Variants in LIPA observed in about 807,000 individuals in gnomAD.
The protein encoded by LIPA is lysosomal acid lipase/cholesteryl ester hydrolase.
LIPA carries 26 observed loss-of-function variants against 40.6 expected under a neutral mutation model. That is an observed-to-expected ratio of 0.64 (90% confidence interval 0.47 to 0.89). LIPA has a LOEUF of 0.89. Ranked by LOEUF, LIPA falls within the 40% of genes least tolerant of loss-of-function variation. The probability of loss-of-function intolerance (pLI) is 0.00; values close to 1 mark genes in which losing one functional copy is unlikely to be tolerated. For missense variants in LIPA, 455 were observed against 479.6 expected, an observed-to-expected ratio of 0.95 and a Z score of 0.48; for synonymous variants, 188 against 168.4, an observed-to-expected ratio of 1.12 and a Z score of -0.90.
chr10:89,402,160 A>T, intron 2 of LIPA: 1 of 666,730 alleles, frequency 1.5e-6, no homozygotes, highest in Non-Finnish European at 2.5e-6. Context: ...CATTAACTTT[A>T]ATGAAACCTA....
exon 1 of LIPA, chr10:89,414,556 T>A (rs1425087126): frequency 2.2e-6 from 1 of 451,842 alleles, no homozygotes; most frequent in African/African-American, 2.1e-5. Flanking sequence ...TAGTTTCGAT[T>A]TCTTAAGTTT....
intron 2 of LIPA, chr10:89,403,377 T>C (rs1844472725): frequency 1.6e-5 from 26 of 1,613,548 alleles, no homozygotes; most frequent in Non-Finnish European, 2.1e-5. Context: ...AAAATTGTTA[T>C]GCATGAAACC....
At chr10:89,338,650 T>G (rs1304441393) in intron 1 of LIPA, 1 of 1,603,310 alleles carries the variant, frequency 6.2e-7, no homozygotes, top group Non-Finnish European at 8.5e-7. Context: ...CCATGTTTAT[T>G]TTCTCCACAG....
intron 1 of LIPA, among the ~76,000 whole-genome samples, chr10:89,277,468 A>G (rs955558536): frequency 1.3e-5 from 2 of 152,260 alleles, no homozygotes; most frequent in Admixed American, 6.5e-5. Context: ...TTTTACTTGC[A>G]TTATACGCAG....
intron 3 of LIPA, among the ~76,000 whole-genome samples, chr10:89,229,132 A>T (rs1276143291): frequency 4.6e-5 from 7 of 152,238 alleles, no homozygotes. Flanking sequence ...TGAATGCATA[A>T]CTAAACTGTG....
At chr10:89,394,596 A>ATTT (rs1277183612) in intron 2 of LIPA, among the ~76,000 whole-genome samples, 3 of 15,496 alleles carry the variant, frequency 1.9e-4, no homozygotes, top group African/African-American at 1.2e-3. Flanking sequence ...ATATATATAT[A>ATTT]TATATATATA....
intron 2 of LIPA, among the ~76,000 whole-genome samples, chr10:89,366,832 C>T (rs1169075370): frequency 2.6e-5 from 4 of 152,152 alleles, no homozygotes; most frequent in African/African-American, 4.8e-5. Context: ...TGGGTATATA[C>T]CCAAAGGATT....
At chr10:89,263,690 C>G (rs1843221474) in intron 1 of LIPA, among the ~76,000 whole-genome samples, 1 of 152,258 alleles carries the variant, frequency 6.6e-6, no homozygotes. Flanking sequence ...GCTGTTGGCA[C>G]CTTTGCCTGA....
At chr10:89,339,285 G>T (rs1420321078) in intron 1 of LIPA, 3 of 1,614,038 alleles carry the variant, frequency 1.9e-6, no homozygotes, top group East Asian at 2.2e-5. Flanking sequence ...AATACGTCAA[G>T]GTTCTCTTGG....
chr10:89,243,140 C>T (rs1163321529), intron 3 of LIPA, among the ~76,000 whole-genome samples: 3 of 152,164 alleles, frequency 2.0e-5, no homozygotes, highest in Non-Finnish European at 4.4e-5. Flanking sequence ...AGGCCTTCTC[C>T]ATTCTTTTTA....
rs1161143084 is a variant in LIPA at position 89,362,677 on chromosome 10, T to C, written c.61+50114A>G. On this transcript the variant is annotated intron_variant, in intron 2 of 8. Transcript: ENST00000371837. ...ACTTACCTGGATAAGGTAGAGAACA[T>C]TTGCAAGAAGTTTGCAAATGCTTCC... 8 of 637,024 alleles carry C rather than the reference T, an allele frequency of 1.3e-5. No individual in the cohort carries two copies. The Admixed American group carries it at 2.2e-4, about 17-fold the overall frequency. The allele number at this position is 637,024 out of a possible 1,614,324, so 39.5% of individuals were successfully genotyped here. A position where few individuals can be genotyped will look rare whatever the true frequency, so the allele number is the denominator to read the frequency against.
chr10:89,240,975 C>T (rs1842958634), intron 3 of LIPA, among the ~76,000 whole-genome samples: 1 of 152,158 alleles, frequency 6.6e-6, no homozygotes, highest in Admixed American at 6.5e-5. Flanking sequence ...AGAGGTCACA[C>T]ACATCATCAC....
chr10:89,265,140 C>T (rs1167747441), intron 1 of LIPA, among the ~76,000 whole-genome samples: 1 of 148,828 alleles, frequency 6.7e-6, no homozygotes, highest in Non-Finnish European at 1.5e-5. Flanking sequence ...GTGCCAGGAG[C>T]AGGGAGAGGC....
At chr10:89,337,740 T>C (rs1843767340) in intron 1 of LIPA, among the ~76,000 whole-genome samples, 1 of 152,210 alleles carries the variant, frequency 6.6e-6, no homozygotes, top group Non-Finnish European at 1.5e-5. Context: ...TCATTTCCTG[T>C]CACTGAAGCT....
intron 1 of LIPA, among the ~76,000 whole-genome samples, chr10:89,315,869 T>C (rs1394109511): frequency 6.6e-6 from 1 of 152,182 alleles, no homozygotes; most frequent in African/African-American, 2.4e-5. Context: ...AATCTAGGTC[T>C]CTAGGTCTAA....
chr10:89,402,776 G>A (rs1564810663), intron 2 of LIPA: 1 of 1,614,214 alleles, frequency 6.2e-7, no homozygotes, highest in Admixed American at 1.7e-5. Flanking sequence ...TTGAAAAGGT[G>A]CTTGAAGTGG....
At chr10:89,319,072 A>G (rs1262183619) in intron 1 of LIPA, among the ~76,000 whole-genome samples, 1 of 152,252 alleles carries the variant, frequency 6.6e-6, no homozygotes, top group Non-Finnish European at 1.5e-5. Context: ...CAGTGTATAG[A>G]GGGAAATTTA....
At chr10:89,233,012 T>C (rs1842860886) in intron 3 of LIPA, among the ~76,000 whole-genome samples, 1 of 152,186 alleles carries the variant, frequency 6.6e-6, no homozygotes. Flanking sequence ...CATCGGTAAA[T>C]ACCCTTGTTC....
chr10:89,312,538 C>T (rs1843521971), intron 1 of LIPA, among the ~76,000 whole-genome samples: 1 of 152,138 alleles, frequency 6.6e-6, no homozygotes, highest in South Asian at 2.1e-4. Context: ...TGTCTCATTT[C>T]AAGTCAATAT....
Sources: gnomAD v4.1 joint callset for allele counts (sites outside exome capture counted in the v4.1 genomes callset) on GRCh38, gnomAD v4.1.1 for gene constraint, MANE v1.5 for transcripts, NCBI Gene and HGNC (gene_info 2026-07-23, HGNC 2026-07-21) for gene names.